The following ITGB2 variants were observed in gnomAD, a reference collection of about 807,000 sequenced individuals.
ITGB2 encodes integrin subunit beta 2.
In ITGB2, 56 loss-of-function variants were observed where a neutral mutation model predicts 86.8. That is an observed-to-expected ratio of 0.65 (90% CI 0.52 to 0.81). ITGB2 has a LOEUF of 0.81. Ranked by LOEUF, ITGB2 falls within the 30% of genes least tolerant of loss-of-function variation. The pLI is 0.00. For synonymous variants in ITGB2, 457 were observed against 450.4 expected (o/e 1.01, Z -0.19); for missense variants, 948 against 1,061.2 (o/e 0.89, Z 1.48).
chr21:44,910,133 G>A (rs2084106828), intron 3 of ITGB2, 151 bp downstream of exon 3: 1 of 888,882 alleles, frequency 1.1e-6, no homozygotes, highest in Non-Finnish European at 1.7e-6. Context: ...AACCTCAGGG[G>A]CCCCTTGAGG....
At chr21:44,900,548 CGAT>C (rs1367017126) in intron 6 of ITGB2, 73 bp from the exon 7 acceptor site, 62 of 1,576,252 alleles carry the variant, frequency 3.9e-5, no homozygotes, top group Non-Finnish European at 5.1e-5. Context: ...GCAGAGGAGA[CGAT>C]GCAGAGCTGG....
intron 1 of ITGB2, among the ~76,000 whole-genome samples, chr21:44,917,380 T>A (rs2084227454): frequency 6.6e-6 from 1 of 152,230 alleles, no homozygotes; most frequent in Admixed American, 6.5e-5. Flanking sequence ...GTATTTTCAA[T>A]TTTCATTATT....
intron 8 of ITGB2, among the ~76,000 whole-genome samples, chr21:44,897,113 C>A (rs2083881263): frequency 6.6e-6 from 1 of 152,304 alleles, no homozygotes; most frequent in South Asian, 2.1e-4. Flanking sequence ...CAGACACCTG[C>A]CCCCATCCCG....
intron 1 of ITGB2, among the ~76,000 whole-genome samples, chr21:44,915,514 G>A (rs2084196003): frequency 6.6e-6 from 1 of 152,214 alleles, no homozygotes; most frequent in African/African-American, 2.4e-5. Context: ...GATGGACGAT[G>A]CCGCCAGGGG....
At chr21:44,889,580 G>A (rs965657794) in intron 12 of ITGB2, 85 bp from the exon 13 acceptor site, 23 of 1,218,224 alleles carry the variant, frequency 1.9e-5, no homozygotes, top group African/African-American at 3.0e-5. Context: ...TGCTCCCTCC[G>A]GCCCGCCTGC....
intron 8 of ITGB2, among the ~76,000 whole-genome samples, chr21:44,898,705 A>G (rs2083903613): frequency 6.6e-6 from 1 of 152,212 alleles, no homozygotes; most frequent in Non-Finnish European, 1.5e-5. Flanking sequence ...GTGTAATTTT[A>G]TCTTCACGGA....
chr21:44,890,215 T>A lies in ITGB2; in HGVS notation c.1420A>T (p.Thr474Ser). 1 of 1,613,138 alleles carries A rather than the reference T, an allele frequency of 6.2e-7. No homozygotes were observed. The highest frequency in any genetic ancestry group is 1.1e-5 in the South Asian group (1 of 91,076). Reference protein sequence around the residue: ...FLECGICRCDTGYIGKNCECQ... With the variant: ...FLECGICRCDSGYIGKNCECQ... The stretch of plus-strand genomic sequence containing the variant: ...TCACAGTTTTTCCCAATGTAGCCAG[T>A]GTCACACCTGGGGACAGGAGGGGCC... The change falls in exon 12 of 16, where the codon ACT (threonine) becomes TCT (serine). Residue 474 changes from threonine to serine, a missense_variant. Transcript: ENST00000652462.
rs980292464 is a variant in ITGB2, at chr21:44,889,879, C to A, written c.1657+99G>T. On this transcript the variant is annotated intron_variant, in intron 12 of 15. Coordinates refer to ENST00000652462, the MANE Select transcript of ITGB2 (RefSeq NM_000211.5). ...TTGCACTGTCTGTCCTCAGGATCCC[C>A]CCTTTCTGTTCCACTCGTTGAATGG... is the stretch of plus-strand genomic sequence containing the variant. 2.0e-6 allele frequency: 3 copies of A among 1,526,880 alleles called. No homozygotes were observed. The African/African-American group carries it at 4.1e-5, about 21-fold the overall frequency. 94.6% of individuals were successfully genotyped at this position (1,526,880 alleles called of 1,614,324 possible). A position where few individuals can be genotyped will look rare whatever the true frequency, so the allele number is the denominator to read the frequency against.
intron 1 of ITGB2, among the ~76,000 whole-genome samples, 180 bp downstream of exon 1, chr21:44,920,641 G>A (rs2084289281): frequency 6.6e-6 from 1 of 152,204 alleles, no homozygotes. Context: ...TTGGTGGCAG[G>A]CACTTCCCCT....
At chr21:44,916,682 A>G (rs2084215374) in intron 1 of ITGB2, among the ~76,000 whole-genome samples, 1 of 152,024 alleles carries the variant, frequency 6.6e-6, no homozygotes, top group Non-Finnish European at 1.5e-5. Context: ...AGCCTGAGCA[A>G]CATAGTGAAA....
rs1245089766 is a variant in ITGB2 at position 44,895,016 on chromosome 21, A to G, written c.1038T>C (p.Ser346=). Residue 346 remains serine (S), a synonymous_variant, in exon 9 of 16, where the codon TCT becomes TCC. Transcript: ENST00000652462. Reference sequence around the variant, plus strand: ...GATGGACCACATTGCTGGAGTCCTCAGACAGCTCCCCCACGGCTGACTTGG... The same window carrying G: ...GATGGACCACATTGCTGGAGTCCTCGGACAGCTCCCCCACGGCTGACTTGG... ...IIPKSAVGEL[S]EDSSNVVHLI... is the part of the protein sequence containing the mutation. 3 of 1,613,540 alleles carry G rather than the reference A, an allele frequency of 1.9e-6. No homozygotes were observed. The highest frequency in any genetic ancestry group is 1.3e-5 in the African/African-American group (1 of 74,838).
At chr21:44,893,802 G>A (rs568816703) in intron 9 of ITGB2, 1 of 482,740 alleles carries the variant, frequency 2.1e-6, no homozygotes, top group African/African-American at 1.9e-5. Context: ...AGCTTCTGCT[G>A]CTCCTCAGCC....
intron 1 of ITGB2, chr21:44,927,531 C>G (rs1362704736): frequency 6.6e-6 from 1 of 152,306 alleles, no homozygotes; most frequent in Admixed American, 6.5e-5. Flanking sequence ...ACCCTCCAAC[C>G]TGCCTGCAAA....
chr21:44,923,326 A>G (rs1271442102), upstream of ITGB2, among the ~76,000 whole-genome samples: 1 of 152,220 alleles, frequency 6.6e-6, no homozygotes, highest in Non-Finnish European at 1.5e-5. Context: ...ACCATATTTT[A>G]AAATCATTGT....
rs138303556 is a variant in ITGB2 at position 44,907,081 on chromosome 21, C to G, written c.162G>C (p.Pro54=). 6.2e-7 allele frequency: 1 copy of G among 1,603,340 alleles called. No individual in the cohort carries two copies. The highest frequency in any genetic ancestry group is 8.5e-7 in the Non-Finnish European group (1 of 1,172,598). ...CGCAGCGAATGGAGTCAGGATCCCC[C>G]GGCCCTGTGAAGTTCTGGGGAGGGG... ...TWCQKLNFTG[P]GDPDSIRCDT... The change falls in exon 4 of 16, where the codon CCG becomes CCC. Residue 54 remains proline (P), a synonymous_variant. Transcript: ENST00000652462.
Position 44,888,885 on chromosome 21 carries a change from C to A in ITGB2, c.1888G>T (p.Glu630Ter). The A allele has an allele frequency of 6.2e-7, 1 of 1,605,300 alleles. No individual in the cohort carries two copies. Among genetic ancestry groups the A allele is most frequent in the South Asian group, 1.1e-5 (1 of 91,062 alleles). ...GGGCCCTTTTCGAACTTCAGGCACT[C>A]GGCGCAGGAGCTGCGGGGAGCCAGG... is the stretch of plus-strand genomic sequence containing the variant. ...SPCGKYISCA[E>*]CLKFEKGPFG... The change falls in exon 14 of 16, where the codon GAG becomes TAG. Residue 630 changes from glutamate to a stop codon, truncating the protein, a stop_gained. Transcript: ENST00000652462. LOFTEE classifies it high-confidence loss of function.
intron 4 of ITGB2, among the ~76,000 whole-genome samples, chr21:44,906,319 G>A (rs2084042352): frequency 6.6e-6 from 1 of 152,100 alleles, no homozygotes; most frequent in Non-Finnish European, 1.5e-5. Context: ...CGCAGCAGGA[G>A]AATGTTGGCC....
At chr21:44,900,041 CCAGGTAGGGGGG>C (rs2083927325) in intron 7 of ITGB2, among the ~76,000 whole-genome samples, 2 of 147,410 alleles carry the variant, frequency 1.4e-5, no homozygotes, top group Admixed American at 1.3e-4. Flanking sequence ...AGCTGTCAGC[CCAGGTAGGGGGG>C]CAGTGGGGCT....
chr21:44,888,715 G>A lies in ITGB2; in HGVS notation c.2058C>T (p.Leu686=), dbSNP rs117884186. 1.2e-6 allele frequency: 2 copies of A among 1,610,022 alleles called. No homozygotes were observed. The highest frequency in any genetic ancestry group is 2.2e-5 in the South Asian group (2 of 91,092). ...CACCTCGGCTCTCATCCACATAGAT[G>A]AGGTAGCGGTCCATCCCGTCCTGCT... The part of the protein sequence containing the change: ...LEQQDGMDRY[L]IYVDESRECV... Residue 686 remains leucine, a synonymous_variant, in exon 14 of 16, where the codon CTC becomes CTT. Coordinates refer to ENST00000652462, the MANE Select transcript of ITGB2 (RefSeq NM_000211.5).
Sources: gnomAD v4.1 joint callset for allele counts (sites outside exome capture counted in the v4.1 genomes callset) on GRCh38, gnomAD v4.1.1 for gene constraint, MANE v1.5 for transcripts, NCBI Gene and HGNC (gene_info 2026-07-23, HGNC 2026-07-21) for gene names.